RUNX2: variants seen among roughly 807,000 people sequenced by gnomAD.
RUNX2 encodes the protein runt-related transcription factor 2.
A neutral mutation model predicts 51.7 loss-of-function variants in RUNX2; 10 were observed. The ratio of observed to expected loss-of-function variants is 0.19; its 90% CI spans 0.12 to 0.33. The LOEUF is 0.33. Among genes scored for constraint, RUNX2 ranks in the 10% least tolerant of loss-of-function variants. The probability of loss-of-function intolerance (pLI) is 1.00; values close to 1 mark genes in which losing one functional copy is unlikely to be tolerated. For synonymous variants in RUNX2, 276 were observed against 273.6 expected (o/e 1.01, Z -0.09); for missense variants, 562 against 691.3 (o/e 0.81, Z 2.10).
rs146536618 is a variant in RUNX2, at chr6:45,500,807, G to A, written c.859+8693G>A. Among the ~76,000 whole-genome samples the A allele has an allele frequency of 4.1e-3, 620 of 152,302 alleles. 1 individual carries two copies. The highest frequency in any genetic ancestry group is 0.027 in the Middle Eastern group (8 of 294). On this transcript the variant is annotated intron_variant, in intron 6 of 8. Transcript: ENST00000647337. ...GTGACTAGGAGTGGGCTAGGCTGTC[G>A]TGGACCGTCTGTCTGCTAGGACTAG...
intron 2 of RUNX2, among the ~76,000 whole-genome samples, chr6:45,361,243 G>C (rs1794203676): frequency 6.6e-6 from 1 of 151,866 alleles, no homozygotes; most frequent in African/African-American, 2.4e-5. Flanking sequence ...ATTTTCATTT[G>C]GAAGAATTCT....
intron 2 of RUNX2, among the ~76,000 whole-genome samples, chr6:45,410,214 C>T (rs939491972): frequency 6.6e-6 from 1 of 151,986 alleles, no homozygotes; most frequent in Non-Finnish European, 1.5e-5. Flanking sequence ...AAGAGAATGC[C>T]GATGGCAATG....
intron 2 of RUNX2, among the ~76,000 whole-genome samples, chr6:45,336,548 C>T (rs1788584167): frequency 6.6e-6 from 1 of 151,292 alleles, no homozygotes; most frequent in African/African-American, 2.4e-5. Flanking sequence ...TTTTTTAAAA[C>T]ATCAAAATAC....
At chr6:45,404,066 C>T (rs751059618) in intron 2 of RUNX2, among the ~76,000 whole-genome samples, 20 of 151,628 alleles carry the variant, frequency 1.3e-4, no homozygotes, top group Non-Finnish European at 1.5e-4. Flanking sequence ...TCGAGACCAC[C>T]CTGACCAATA....
At chr6:45,512,550 CT>C in intron 7 of RUNX2, 143 bp downstream of exon 7, 2 of 891,660 alleles carry the variant, frequency 2.2e-6, no homozygotes, top group South Asian at 2.9e-5. Context: ...CAAATTAAAT[CT>C]TCTGAATTAT....
chr6:45,423,209 C>A (rs914220318), intron 3 of RUNX2, among the ~76,000 whole-genome samples: 1 of 152,168 alleles, frequency 6.6e-6, no homozygotes, highest in Non-Finnish European at 1.5e-5. Context: ...GTCCCCCTGA[C>A]CCGTTCAGCA....
chr6:45,336,536 T>C (rs1394790023), intron 2 of RUNX2, among the ~76,000 whole-genome samples: 1 of 151,472 alleles, frequency 6.6e-6, no homozygotes, highest in African/African-American at 2.4e-5. Flanking sequence ...TACACTTAAA[T>C]ATTTTTTAAA....
intron 5 of RUNX2, among the ~76,000 whole-genome samples, chr6:45,468,140 T>C (rs1289108057): frequency 3.3e-4 from 50 of 152,344 alleles, no homozygotes; most frequent in Non-Finnish European, 1.5e-5. Flanking sequence ...GTCACTTTCT[T>C]ACACACATTT....
At chr6:45,407,695 TCG>T (rs1323247722) in intron 2 of RUNX2, among the ~76,000 whole-genome samples, 2 of 151,920 alleles carry the variant, frequency 1.3e-5, no homozygotes, top group Non-Finnish European at 2.9e-5. Context: ...GACAGAGGTC[TCG>T]CTATGTTGCC....
chr6:45,422,750 G>GGCGGCGGCGGCGGCT lies in RUNX2; in HGVS notation c.231_245dup (p.Ala85_Ala89dup), dbSNP rs759220330. On this transcript the variant is annotated inframe_insertion, in exon 3 of 9. Coordinates refer to ENST00000647337, the MANE Select transcript of RUNX2 (RefSeq NM_001024630.4). ...AGCAACAGCAGCAGCAGCAGCAGGA[G>GGCGGCGGCGGCGGCT]GCGGCGGCGGCGGCTGCGGCGGCGG... 1.1e-5 allele frequency: 14 copies of GGCGGCGGCGGCGGCT among 1,332,838 alleles called. No homozygotes were observed. In the East Asian group the frequency reaches 1.4e-4, roughly 14 times the overall value. The allele number at this position is 1,332,838 out of a possible 1,614,324, so 82.6% of individuals were successfully genotyped here. A position where few individuals can be genotyped will look rare whatever the true frequency, so the allele number is the denominator to read the frequency against.
intron 7 of RUNX2, among the ~76,000 whole-genome samples, chr6:45,533,389 A>G (rs1359881008): frequency 6.6e-6 from 1 of 151,394 alleles, no homozygotes; most frequent in Non-Finnish European, 1.5e-5. Context: ...GTTTTTGTTT[A>G]AATCACTCAG....
intron 2 of RUNX2, among the ~76,000 whole-genome samples, chr6:45,402,554 T>C (rs1436165162): frequency 6.6e-6 from 1 of 152,144 alleles, no homozygotes; most frequent in Non-Finnish European, 1.5e-5. Context: ...ATTAACAAAA[T>C]TTTGGCTATG....
chr6:45,424,924 T>C (rs1212872882), intron 3 of RUNX2, among the ~76,000 whole-genome samples: 1 of 152,152 alleles, frequency 6.6e-6, no homozygotes, highest in African/African-American at 2.4e-5. Context: ...ACATGTGAAT[T>C]GTATAAATTT....
chr6:45,410,920 T>A (rs1045525428), intron 2 of RUNX2, among the ~76,000 whole-genome samples: 1 of 152,210 alleles, frequency 6.6e-6, no homozygotes, highest in African/African-American at 2.4e-5. Context: ...GTTAAGGGTT[T>A]ATAGTGAGTT....
At chr6:45,525,969 G>A (rs1801665639) in intron 7 of RUNX2, among the ~76,000 whole-genome samples, 1 of 151,674 alleles carries the variant, frequency 6.6e-6, no homozygotes, top group Non-Finnish European at 1.5e-5. Flanking sequence ...CCCAGCCTGG[G>A]TGACAGAGAC....
chr6:45,334,760 G>A (rs541128615), intron 2 of RUNX2, among the ~76,000 whole-genome samples: 1 of 149,172 alleles, frequency 6.7e-6, no homozygotes, highest in South Asian at 2.1e-4. Context: ...TTATAAACCA[G>A]GAAAAAAATT....
chr6:45,467,015 T>G (rs1799652572), intron 5 of RUNX2, among the ~76,000 whole-genome samples: 1 of 152,206 alleles, frequency 6.6e-6, no homozygotes, highest in East Asian at 1.9e-4. Flanking sequence ...TCGCCTTCAT[T>G]TCCTCATTGC....
intron 2 of RUNX2, among the ~76,000 whole-genome samples, chr6:45,345,419 T>C (rs887597017): frequency 1.3e-5 from 2 of 152,186 alleles, no homozygotes; most frequent in East Asian, 1.9e-4. Flanking sequence ...CATCTCAATT[T>C]CCATTTTTTA....
At position 45,422,833 on chromosome 6, in the gene RUNX2, G is replaced by T. The variant is rs767171242; in HGVS notation, c.299G>T (p.Arg100Leu). The T allele has an allele frequency of 1.2e-6, 2 of 1,608,040 alleles. No individual in the cohort carries two copies. Among genetic ancestry groups the T allele is most frequent in the South Asian group, 1.1e-5 (1 of 90,766 alleles). The change falls in exon 3 of 9, where the codon CGC becomes CTC. Residue 100 changes from arginine (R) to leucine (L), a missense_variant. By Grantham distance (102) the Arg-to-Leu change is moderately radical (BLOSUM62 -2). Coordinates refer to ENST00000647337, the MANE Select transcript of RUNX2 (RefSeq NM_001024630.4). ...VPRLRPPHDN[R>L]TMVEIIADHP... is the part of the protein sequence containing the mutation. ...CGGTTGCGGCCGCCCCACGACAACC[G>T]CACCATGGTGGAGATCATCGCCGAC...
Sources: gnomAD v4.1 joint callset for allele counts (sites outside exome capture counted in the v4.1 genomes callset) on GRCh38, gnomAD v4.1.1 for gene constraint, MANE v1.5 for transcripts, NCBI Gene and HGNC (gene_info 2026-07-23, HGNC 2026-07-21) for gene names.